Variants in MYH15 observed in about 807,000 individuals in gnomAD.
The protein encoded by MYH15 is myosin-15.
A neutral mutation model predicts 240.5 loss-of-function variants in MYH15; 227 were observed. That is an observed-to-expected ratio of 0.94 (90% CI 0.85 to 1.05). MYH15 has a LOEUF of 1.05. MYH15 is among the 50% of genes least tolerant of loss of function. MYH15 has a pLI of 0.00. For missense variants in MYH15, 2,217 were observed against 2,247.5 expected (o/e 0.99, Z 0.27); for synonymous variants, 785 against 796.7 (o/e 0.99, Z 0.25).
At position 108,470,183 on chromosome 3, in the gene MYH15, A is replaced by G; in HGVS notation, c.1413T>C (p.Asn471=). The change falls in exon 14 of 41, where the codon AAT becomes AAC. Residue 471 remains asparagine, a synonymous_variant. Transcript: ENST00000693548. Reference sequence around the variant, plus strand: ...ATTGTTGTAATTTTTCATTGGTAAAATTAATGCAAAGTTGCTCAAGGCTAT... The same window carrying G: ...ATTGTTGTAATTTTTCATTGGTAAAGTTAATGCAAAGTTGCTCAAGGCTAT... ...EYNSLEQLCI[N]FTNEKLQQFF... 1 of 1,609,870 alleles carries G rather than the reference A, an allele frequency of 6.2e-7. No homozygotes were observed. Among genetic ancestry groups the G allele is most frequent in the Non-Finnish European group, 8.5e-7 (1 of 1,178,136 alleles).
At chr3:108,431,015 G>A (rs1302588139) in intron 25 of MYH15, 93 bp from the exon 26 acceptor site, 1 of 893,996 alleles carries the variant, frequency 1.1e-6, no homozygotes, top group African/African-American at 1.7e-5. Flanking sequence ...ACAAAGAAAA[G>A]ATAAATGTTT....
At chr3:108,484,661 G>A (rs551680120) in intron 11 of MYH15, among the ~76,000 whole-genome samples, 1 of 152,064 alleles carries the variant, frequency 6.6e-6, no homozygotes, top group African/African-American at 2.4e-5. Context: ...TGTATTTTTA[G>A]TAGAGACAGG....
intron 20 of MYH15, 100 bp from the exon 21 acceptor site, chr3:108,454,242 G>T: frequency 1.9e-6 from 2 of 1,040,554 alleles, no homozygotes; most frequent in African/African-American, 1.6e-5. Flanking sequence ...AGGGATAACT[G>T]TATCAATTCC....
chr3:108,480,290 A>G lies in MYH15; in HGVS notation c.1115-3775T>C, dbSNP rs1015529218. 7.9e-5 allele frequency among the ~76,000 whole-genome samples: 12 copies of G among 152,316 alleles called. No homozygotes were observed. In the South Asian group the frequency reaches 2.5e-3, roughly 32 times the overall value. ...AGAAGAAGAGTTTCCTTAACAATGA[A>G]CAGCACGACTTGAAGCCACAGGCGT... is the stretch of plus-strand genomic sequence containing the variant. On this transcript the variant is annotated intron_variant, in intron 11 of 40. Coordinates refer to ENST00000693548, the MANE Select transcript of MYH15 (RefSeq NM_014981.3).
chr3:108,397,361 C>T (rs1200947587), intron 35 of MYH15, among the ~76,000 whole-genome samples: 1 of 152,216 alleles, frequency 6.6e-6, no homozygotes, highest in African/African-American at 2.4e-5. Flanking sequence ...TGACTTTCCT[C>T]TCTACCTGGC....
At chr3:108,384,813 A>G (rs1382567089) in intron 38 of MYH15, 31 bp from the exon 39 acceptor site, 1 of 1,588,302 alleles carries the variant, frequency 6.3e-7, no homozygotes, top group Admixed American at 1.7e-5. Context: ...TGGGAAGGTG[A>G]TTCAGAGGAT....
At chr3:108,441,829 T>C (rs925822535) in intron 22 of MYH15, among the ~76,000 whole-genome samples, 2 of 152,244 alleles carry the variant, frequency 1.3e-5, no homozygotes, top group African/African-American at 2.4e-5. Flanking sequence ...TTCACTGTTA[T>C]TTCCAACTAA....
chr3:108,418,494 T>C (rs1440997624), intron 28 of MYH15, among the ~76,000 whole-genome samples: 2 of 152,200 alleles, frequency 1.3e-5, no homozygotes. Context: ...TCAATACAAA[T>C]GGCAAAATAA....
chr3:108,434,997 T>G (rs1228661788), intron 25 of MYH15, among the ~76,000 whole-genome samples: 1 of 152,232 alleles, frequency 6.6e-6, no homozygotes, highest in East Asian at 1.9e-4. Flanking sequence ...TATTTTTAAA[T>G]GGCCAGTAAA....
intron 19 of MYH15, 25 bp from the exon 20 acceptor site, chr3:108,455,884 A>C (rs912710644): frequency 6.3e-7 from 1 of 1,599,026 alleles, no homozygotes; most frequent in Non-Finnish European, 8.6e-7. Context: ...AGAAAAAATC[A>C]TGAGTTTGGG....
intron 25 of MYH15, 38 bp downstream of exon 25, chr3:108,437,516 G>T (rs74777940): frequency 1.3e-6 from 2 of 1,595,542 alleles, no homozygotes; most frequent in Non-Finnish European, 1.7e-6. Flanking sequence ...CTAATATAAG[G>T]TCTCCAGCAA....
At position 108,505,713 on chromosome 3, in the gene MYH15, A is replaced by G. The variant is rs2083470467; in HGVS notation, c.195+10T>C. 6.4e-7 allele frequency: 1 copy of G among 1,564,720 alleles called. No individual in the cohort carries two copies. Among genetic ancestry groups the G allele is most frequent in the Non-Finnish European group, 8.8e-7 (1 of 1,141,460 alleles). On this transcript the variant is annotated intron_variant, in intron 2 of 40. Coordinates refer to ENST00000693548, the MANE Select transcript of MYH15 (RefSeq NM_014981.3). ...TAGTCATCACTGCAATGAAATAAAA[A>G]TTTCTTTACCTCTCCATCTGCTGTC...
At chr3:108,520,249 T>C (rs2083607332) in intron 1 of MYH15, among the ~76,000 whole-genome samples, 1 of 152,212 alleles carries the variant, frequency 6.6e-6, no homozygotes, top group Non-Finnish European at 1.5e-5. Flanking sequence ...GAGCAACTAT[T>C]CTATTCTATG....
chr3:108,545,358 AAG>A, the MYH15 span, among the ~76,000 whole-genome samples: 2 of 152,166 alleles, frequency 1.3e-5, no homozygotes, highest in African/African-American at 4.8e-5. Context: ...GATGAAGAGA[AAG>A]AGGAAACCAA....
In MYH15 at chr3:108,460,280, T is replaced by C; in HGVS notation, c.1932+20A>G. On this transcript the variant is annotated intron_variant, in intron 17 of 40. Transcript: ENST00000693548. ...GATTGTGAGGCAATTAATATATGAA[T>C]AGACGCAATTAAAAATTACTTTATG... The C allele has an allele frequency of 3.2e-6, 5 of 1,555,086 alleles. No individual in the cohort carries two copies. Among genetic ancestry groups the C allele is most frequent in the Non-Finnish European group, 4.3e-6 (5 of 1,150,138 alleles).
In MYH15 at chr3:108,448,002, T is replaced by C. The variant is rs185496344; in HGVS notation, c.2400-3107A>G. Among the ~76,000 whole-genome samples the C allele has an allele frequency of 7.4e-3, 1,133 of 152,244 alleles. 9 individuals carry two copies. The highest frequency in any genetic ancestry group is 0.026 in the African/African-American group (1,063 of 41,566). On this transcript the variant is annotated intron_variant, in intron 21 of 40. Coordinates refer to ENST00000693548, the MANE Select transcript of MYH15 (RefSeq NM_014981.3). ...GATAAGTTAAAATTAAGAGTTTTTA[T>C]ATGTAGTTGAAGTTAAACTATTGCC... is the stretch of plus-strand genomic sequence containing the variant.
intron 27 of MYH15, among the ~76,000 whole-genome samples, chr3:108,426,284 G>A (rs2082724543): frequency 6.6e-6 from 1 of 151,838 alleles, no homozygotes; most frequent in African/African-American, 2.4e-5. Flanking sequence ...GAAGACAGGT[G>A]CTATTCATCA....
At chr3:108,547,099 C>T in the MYH15 span, among the ~76,000 whole-genome samples, 1 of 151,058 alleles carries the variant, frequency 6.6e-6, no homozygotes. Flanking sequence ...ATATATATGT[C>T]TGAGGTGTAG....
chr3:108,522,227 A>C (rs1392344326), intron 1 of MYH15, among the ~76,000 whole-genome samples: 1 of 152,080 alleles, frequency 6.6e-6, no homozygotes, highest in Non-Finnish European at 1.5e-5. Flanking sequence ...ACAACAACAA[A>C]AAAATCCCAA....
Sources: allele counts gnomAD v4.1 joint callset (sites outside exome capture counted in the v4.1 genomes callset), GRCh38; gene constraint gnomAD v4.1.1; transcripts MANE v1.5; gene names NCBI Gene and HGNC (gene_info 2026-07-23, HGNC 2026-07-21).